ANO3: variants seen among roughly 807,000 people sequenced by gnomAD.
The protein encoded by ANO3 is anoctamin-3.
In ANO3, 99 loss-of-function variants were observed where a neutral mutation model predicts 144.8. The observed-to-expected ratio is 0.68, with a 90% confidence interval of 0.58 to 0.81. The LOEUF (loss-of-function observed/expected upper bound fraction) is 0.81, where lower values mean the gene tolerates loss of function less well. Among genes scored for constraint, ANO3 ranks in the 30% least tolerant of loss-of-function variants. The pLI is 0.00. For missense variants in ANO3, 905 were observed against 1,202.2 expected, an observed-to-expected ratio of 0.75 and a Z score of 3.66; for synonymous variants, 414 against 392.6, an observed-to-expected ratio of 1.05 and a Z score of -0.64.
At position 26,314,701 on chromosome 11, in the gene ANO3, C is replaced by T. The variant is rs562153989; in HGVS notation, c.-3+4982C>T. Among the ~76,000 whole-genome samples, 26 of 152,260 alleles carry T rather than the reference C, an allele frequency of 1.7e-4. 1 individual carries two copies. In the South Asian group the frequency reaches 5.2e-3, roughly 30 times the overall value. ...GGGCAAAGATGTTGGTCCTTCCTCT[C>T]TTTGAGACCCCAGGGTCTCAGGGCT... On this transcript the variant is annotated intron_variant, in intron 1 of 26. Coordinates refer to the ANO3 transcript ENST00000525139.
At chr11:26,431,572 A>G (rs1196372216) in intron 1 of ANO3, among the ~76,000 whole-genome samples, 2 of 152,110 alleles carry the variant, frequency 1.3e-5, no homozygotes, top group East Asian at 3.9e-4. Context: ...CCACCCTCAA[A>G]TAGACCGCAG....
At chr11:26,645,881 C>T (rs2133070248) in intron 23 of ANO3, among the ~76,000 whole-genome samples, 1 of 152,126 alleles carries the variant, frequency 6.6e-6, no homozygotes, top group African/African-American at 2.4e-5. Context: ...ATAATATAAG[C>T]ACATTAAAGA....
chr11:26,480,719 C>A (rs74407123), intron 4 of ANO3, among the ~76,000 whole-genome samples: 137,602 of 151,812 alleles, frequency 0.91, 62,832 homozygotes, highest in Non-Finnish European at 0.96. Flanking sequence ...GAGGCAGGTT[C>A]ATCAATTGAA....
At chr11:26,363,740 C>A (rs974670079) in intron 1 of ANO3, among the ~76,000 whole-genome samples, 3 of 151,916 alleles carry the variant, frequency 2.0e-5, no homozygotes, top group Non-Finnish European at 4.4e-5. Flanking sequence ...AACTGCACTG[C>A]TTCCTACATT....
In ANO3 at chr11:26,210,029, C is replaced by T. The variant is rs547328482; in HGVS notation, c.154+20699C>T. ...TCAATTTTGGCTTTTGTTGCAATCG[C>T]TTTTGGTGTTTTAGTCATGAATTCT... On this transcript the variant is annotated intron_variant, in intron 1 of 27. Coordinates refer to the ANO3 transcript ENST00000672621. Among the ~76,000 whole-genome samples the T allele has an allele frequency of 2.4e-4, 37 of 152,266 alleles. 1 individual carries two copies. Among genetic ancestry groups the T allele is most frequent in the African/African-American group, 8.7e-4 (36 of 41,566 alleles).
Position 26,653,457 on chromosome 11 carries a change from C to G in ANO3, c.2577-2668C>G, listed in dbSNP as rs1274003181. 2.6e-5 allele frequency among the ~76,000 whole-genome samples: 4 copies of G among 152,080 alleles called. 1 individual carries two copies. Among genetic ancestry groups the G allele is most frequent in the Admixed American group, 2.6e-4 (4 of 15,258 alleles). On this transcript the variant is annotated intron_variant, in intron 24 of 26. Transcript: ENST00000256737. Reference sequence around the variant, plus strand: ...GCCACCACCTAGCTCAAGACACTATCATCTCTCACCTGGATCCTTGAATAA... The same window carrying G: ...GCCACCACCTAGCTCAAGACACTATGATCTCTCACCTGGATCCTTGAATAA...
intron 10 of ANO3, 61 bp downstream of exon 10, chr11:26,537,522 T>C: frequency 7.2e-7 from 1 of 1,387,472 alleles, no homozygotes; most frequent in South Asian, 1.2e-5. Flanking sequence ...TGCTTGGTCC[T>C]GTTGTTTGCA....
At chr11:26,276,619 C>T (rs894376488) in intron 1 of ANO3, among the ~76,000 whole-genome samples, 1 of 152,144 alleles carries the variant, frequency 6.6e-6, no homozygotes, top group Non-Finnish European at 1.5e-5. Flanking sequence ...TCAGTTAAAA[C>T]AGCATCACCC....
intron 5 of ANO3, 143 bp from the exon 6 acceptor site, chr11:26,516,684 T>A (rs1428242429): frequency 2.0e-5 from 10 of 488,802 alleles, no homozygotes; most frequent in South Asian, 8.1e-5. Context: ...AGATTTTTTT[T>A]ATCCATATAA....
chr11:26,455,614 G>A (rs1859122687), intron 3 of ANO3, among the ~76,000 whole-genome samples: 1 of 152,134 alleles, frequency 6.6e-6, no homozygotes, highest in Non-Finnish European at 1.5e-5. Flanking sequence ...TCATGGATAG[G>A]AAGAATCAAT....
At chr11:26,293,425 T>G (rs1231496037) in intron 1 of ANO3, among the ~76,000 whole-genome samples, 1 of 150,672 alleles carries the variant, frequency 6.6e-6, no homozygotes, top group Non-Finnish European at 1.5e-5. Flanking sequence ...TTATTTCCAG[T>G]AACTAGATCC....
chr11:26,315,644 C>T (rs377323088), intron 1 of ANO3, among the ~76,000 whole-genome samples: 22 of 149,680 alleles, frequency 1.5e-4, no homozygotes, highest in African/African-American at 5.4e-4. Flanking sequence ...CAAATCTGGA[C>T]CTATCTATCT....
At chr11:26,280,304 G>A (rs1380590263) in intron 1 of ANO3, among the ~76,000 whole-genome samples, 3 of 152,044 alleles carry the variant, frequency 2.0e-5, no homozygotes, top group African/African-American at 4.8e-5. Context: ...AGTGTATTAA[G>A]GTTCTCTAGC....
At chr11:26,495,746 C>G (rs1262093192) in intron 4 of ANO3, among the ~76,000 whole-genome samples, 4 of 152,212 alleles carry the variant, frequency 2.6e-5, no homozygotes, top group African/African-American at 4.8e-5. Flanking sequence ...GTAAGGAACA[C>G]AGCCTAGGGC....
intron 3 of ANO3, among the ~76,000 whole-genome samples, chr11:26,461,960 T>G (rs2134055814): frequency 6.6e-6 from 1 of 152,126 alleles, no homozygotes; most frequent in Middle Eastern, 3.4e-3. Flanking sequence ...AGCTTAGAGC[T>G]TCTTAACATA....
chr11:26,649,113 C>T (rs1341615799), intron 24 of ANO3, among the ~76,000 whole-genome samples: 1 of 151,950 alleles, frequency 6.6e-6, no homozygotes, highest in Non-Finnish European at 1.5e-5. Context: ...AAATTGTCTA[C>T]TTTATTTTAG....
Position 26,414,487 on chromosome 11 carries a change from G to A in ANO3, c.47-27431G>A, listed in dbSNP as rs574873881. Among the ~76,000 whole-genome samples, 10 of 152,054 alleles carry A rather than the reference G, an allele frequency of 6.6e-5. No individual in the cohort carries two copies. The South Asian group carries it at 1.7e-3, about 25-fold the overall frequency. On this transcript the variant is annotated intron_variant, in intron 1 of 26. Transcript: ENST00000256737. ...CCATCATCCTCAGCAGACAATCACA[G>A]GAACAGAAAACCAAGCACCGCATGT...
chr11:26,398,733 C>T (rs1445480773), intron 1 of ANO3, among the ~76,000 whole-genome samples: 4 of 151,938 alleles, frequency 2.6e-5, no homozygotes, highest in Admixed American at 2.6e-4. Context: ...TGGAGGCAGG[C>T]AGAAAGTGTT....
At chr11:26,648,394 A>C (rs1853418919) in intron 24 of ANO3, among the ~76,000 whole-genome samples, 1 of 152,146 alleles carries the variant, frequency 6.6e-6, no homozygotes, top group South Asian at 2.1e-4. Flanking sequence ...CACTCTTTGC[A>C]ACATAGTTTC....
Sources: gnomAD v4.1 joint callset for allele counts (sites outside exome capture counted in the v4.1 genomes callset) on GRCh38, gnomAD v4.1.1 for gene constraint, MANE v1.5 for transcripts, NCBI Gene and HGNC (gene_info 2026-07-23, HGNC 2026-07-21) for gene names.